Variants in CELF2 observed in about 807,000 individuals in gnomAD.
CELF2 encodes the protein CUGBP Elav-like family member 2, also known as CUG triplet repeat RNA-binding protein 2.
In CELF2, 8 loss-of-function variants were observed where a neutral mutation model predicts 62.6. The ratio of observed to expected loss-of-function variants is 0.13; its 90% CI spans 0.07 to 0.23. The LOEUF (loss-of-function observed/expected upper bound fraction) is 0.23, where lower values mean the gene tolerates loss of function less well. CELF2 is among the 10% of genes least tolerant of loss of function. The pLI, the probability that CELF2 is intolerant of heterozygous loss-of-function variation, is 1.00. For synonymous variants in CELF2, 258 were observed against 250.0 expected (o/e 1.03, Z -0.30); for missense variants, 333 against 671.0 (o/e 0.50, Z 5.56).
the CELF2 span, among the ~76,000 whole-genome samples, chr10:10,529,066 G>C: frequency 6.6e-6 from 1 of 152,152 alleles, no homozygotes; most frequent in Non-Finnish European, 1.5e-5. Flanking sequence ...GTACTTCCTA[G>C]TCTACAATTT....
rs80163963 is a variant in CELF2 at position 11,252,579 on chromosome 10, G to A, written c.403+3378G>A. Among the ~76,000 whole-genome samples the A allele has an allele frequency of 3.6e-3, 545 of 152,314 alleles. 18 individuals are homozygous for A. In the South Asian group the frequency reaches 0.049, roughly 14 times the overall value. The stretch of plus-strand genomic sequence containing the variant: ...AGAGGGAACCTCTGGGGTGAGCCCC[G>A]AAACGTTAGGTTGCGCTCAGATCAG... On this transcript the variant is annotated intron_variant, in intron 4 of 12. Coordinates refer to ENST00000633077, the MANE Select transcript of CELF2 (RefSeq NM_001326342.2).
intron 1 of CELF2, among the ~76,000 whole-genome samples, chr10:10,818,318 AG>A (rs2056661290): frequency 6.6e-6 from 1 of 152,144 alleles, no homozygotes; most frequent in African/African-American, 2.4e-5. Flanking sequence ...AGACTCCAAA[AG>A]CAGAGGACCC....
chr10:10,625,975 A>G, the CELF2 span, among the ~76,000 whole-genome samples: 1 of 151,806 alleles, frequency 6.6e-6, no homozygotes, highest in Non-Finnish European at 1.5e-5. Context: ...GGTGCAGTGC[A>G]GTGGAGTATA....
chr10:11,095,046 T>C (rs1382807824), intron 1 of CELF2, among the ~76,000 whole-genome samples: 1 of 152,222 alleles, frequency 6.6e-6, no homozygotes, highest in African/African-American at 2.4e-5. Context: ...AGGTTGTTTA[T>C]CATTCCTGTC....
intron 1 of CELF2, among the ~76,000 whole-genome samples, chr10:10,832,815 G>C (rs1386506505): frequency 6.6e-6 from 1 of 152,136 alleles, no homozygotes; most frequent in Non-Finnish European, 1.5e-5. Flanking sequence ...CATTACACTG[G>C]AATCGGAGGG....
At chr10:11,289,110 T>A (rs1439024489) in intron 9 of CELF2, among the ~76,000 whole-genome samples, 1 of 152,250 alleles carries the variant, frequency 6.6e-6, no homozygotes, top group Non-Finnish European at 1.5e-5. Flanking sequence ...CAAAAGCAGA[T>A]GCCAGTTGTC....
intron 8 of CELF2, among the ~76,000 whole-genome samples, chr10:11,279,812 G>C (rs72775855): frequency 0.11 from 16,438 of 152,108 alleles, 1,000 homozygotes; most frequent in Middle Eastern, 0.19. Context: ...TCTTCGTTTT[G>C]AGAAGGATAT....
the CELF2 span, among the ~76,000 whole-genome samples, chr10:10,714,853 T>A: frequency 6.6e-6 from 1 of 152,008 alleles, no homozygotes; most frequent in Admixed American, 6.5e-5. Context: ...CCAAACGAAC[T>A]TAATACATTT....
the CELF2 span, among the ~76,000 whole-genome samples, chr10:10,499,586 A>C: frequency 2.0e-5 from 3 of 152,156 alleles, no homozygotes; most frequent in Admixed American, 6.5e-5. Flanking sequence ...ATGTGCAGAA[A>C]TAAGAACTCC....
chr10:10,828,802 C>G (rs1387656153), intron 1 of CELF2, among the ~76,000 whole-genome samples: 2 of 152,048 alleles, frequency 1.3e-5, no homozygotes, highest in Non-Finnish European at 2.9e-5. Flanking sequence ...AGTAAGCATT[C>G]AAAAAGTATT....
chr10:10,945,475 G>A (rs1008340020), intron 2 of CELF2, among the ~76,000 whole-genome samples: 2 of 152,190 alleles, frequency 1.3e-5, no homozygotes, highest in East Asian at 3.9e-4. Context: ...CTGCACCGAG[G>A]CCTGTTTGAT....
chr10:10,733,731 A>T, the CELF2 span, among the ~76,000 whole-genome samples: 1 of 152,178 alleles, frequency 6.6e-6, no homozygotes, highest in South Asian at 2.1e-4. Flanking sequence ...ATCTTGTGAG[A>T]CTTATTCACT....
the CELF2 span, among the ~76,000 whole-genome samples, chr10:10,582,079 A>C: frequency 5.7e-4 from 87 of 152,282 alleles, no homozygotes; most frequent in African/African-American, 2.1e-3. Context: ...AGCCGGAGCA[A>C]GATTTCCAAG....
the CELF2 span, among the ~76,000 whole-genome samples, chr10:10,583,444 A>T: frequency 6.6e-6 from 1 of 152,154 alleles, no homozygotes; most frequent in Non-Finnish European, 1.5e-5. Flanking sequence ...ATTTTGTACC[A>T]AGGAAGTGGT....
chr10:11,277,502 C>T (rs576686691), intron 8 of CELF2, among the ~76,000 whole-genome samples: 8 of 152,300 alleles, frequency 5.3e-5, no homozygotes, highest in African/African-American at 1.9e-4. Context: ...GGCTGATAGA[C>T]TCAGCTCTCA....
Position 11,177,177 on chromosome 10 carries a change from AC to A in CELF2, c.271+11499del, listed in dbSNP as rs1427264875. ...TCATAAATCCCCCTCTCTAAAAAAC[AC>A]CCCTTTCTAAAAAATTCACATTACT... On this transcript the variant is annotated intron_variant, in intron 2 of 12. Transcript: ENST00000633077. This position sits in a 1 kb window ranked among gnomAD's most constrained non-coding sequence, Gnocchi z 4.8. 6.6e-6 allele frequency among the ~76,000 whole-genome samples: 1 copy of A among 152,020 alleles called. No individual in the cohort carries two copies.
At position 11,324,949 on chromosome 10, in the gene CELF2, C is replaced by T. The variant is rs2095645446; in HGVS notation, c.1295-887C>T. On this transcript the variant is annotated intron_variant, in intron 11 of 12. Coordinates refer to ENST00000633077, the MANE Select transcript of CELF2 (RefSeq NM_001326342.2). This position sits in a 1 kb window ranked among gnomAD's most constrained non-coding sequence, Gnocchi z 4.7. ...CATGCCTGGAACGCCCAAGAAACAG[C>T]CAGCCCTCATCTCCCTCAGCTCATA... Among the ~76,000 whole-genome samples the T allele has an allele frequency of 6.6e-6, 1 of 152,180 alleles. No individual in the cohort carries two copies. The highest frequency in any genetic ancestry group is 1.5e-5 in the Non-Finnish European group (1 of 68,038).
chr10:11,182,343 G>A (rs755126605), intron 2 of CELF2, among the ~76,000 whole-genome samples: 37 of 152,172 alleles, frequency 2.4e-4, no homozygotes, highest in Admixed American at 1.4e-3. Flanking sequence ...TTTCCTTTGA[G>A]TTTTCATCCA....
intron 1 of CELF2, among the ~76,000 whole-genome samples, chr10:10,910,550 G>T (rs1250652438): frequency 6.6e-6 from 1 of 151,632 alleles, no homozygotes; most frequent in South Asian, 2.1e-4. Flanking sequence ...ACAAAAATTA[G>T]CCAGGCATGG....
Sources: gnomAD v4.1 joint callset for allele counts (sites outside exome capture counted in the v4.1 genomes callset) on GRCh38, gnomAD v4.1.1 for gene constraint, Gnocchi (gnomAD v3.1) non-coding constraint, MANE v1.5 for transcripts, NCBI Gene and HGNC (gene_info 2026-07-23, HGNC 2026-07-21) for gene names.